Variants in GRID2 observed in about 807,000 individuals in gnomAD.
GRID2 encodes the protein glutamate ionotropic receptor delta type subunit 2.
Under a neutral mutation model 114.8 loss-of-function variants are expected in GRID2, and 33 were observed. The ratio of observed to expected loss-of-function variants is 0.29; its 90% CI spans 0.22 to 0.38. The LOEUF is 0.38. Among genes scored for constraint, GRID2 ranks in the 10% least tolerant of loss-of-function variants. The probability of loss-of-function intolerance (pLI) is 1.00; values close to 1 mark genes in which losing one functional copy is unlikely to be tolerated. For synonymous variants in GRID2, 505 were observed against 449.9 expected, an observed-to-expected ratio of 1.12 and a Z score of -1.55; for missense variants, 1,184 against 1,257.7, an observed-to-expected ratio of 0.94 and a Z score of 0.89.
chr4:93,231,475 C>T (rs577801922), intron 7 of GRID2, among the ~76,000 whole-genome samples: 19 of 148,702 alleles, frequency 1.3e-4, no homozygotes, highest in Non-Finnish European at 2.7e-4. Flanking sequence ...CCAGAAACAA[C>T]AAAAAGACCC....
At chr4:92,875,149 G>GT (rs36120160) in intron 2 of GRID2, among the ~76,000 whole-genome samples, 2,953 of 85,074 alleles carry the variant, frequency 0.035, 157 homozygotes, top group African/African-American at 0.076. Flanking sequence ...AACTCAAAAG[G>GT]TTTTTTTTTT....
intron 1 of GRID2, among the ~76,000 whole-genome samples, chr4:93,804,096 C>T (rs2110369606): frequency 6.6e-6 from 1 of 152,300 alleles, no homozygotes; most frequent in East Asian, 1.9e-4. Context: ...TCAGTGTCAT[C>T]TACCATGATG....
chr4:93,179,345 C>A (rs1046810410), intron 4 of GRID2, among the ~76,000 whole-genome samples: 2 of 152,096 alleles, frequency 1.3e-5, no homozygotes, highest in African/African-American at 2.4e-5. Flanking sequence ...ATAACAATTT[C>A]ATTTGGGGAC....
intron 13 of GRID2, among the ~76,000 whole-genome samples, chr4:93,533,326 C>T (rs1578204117): frequency 7.0e-6 from 1 of 142,800 alleles, no homozygotes; most frequent in Non-Finnish European, 1.5e-5. Context: ...TCTTTCCTTT[C>T]TTCCTTTCTT....
intron 1 of GRID2, among the ~76,000 whole-genome samples, chr4:92,384,615 G>A (rs62311035): frequency 0.027 from 1,358 of 50,568 alleles, 91 homozygotes; most frequent in South Asian, 0.045. Flanking sequence ...TATAATATAT[G>A]TTATATATTA....
chr4:92,618,483 G>A lies in GRID2; in HGVS notation c.244+28197G>A, dbSNP rs1336401484. 2.6e-5 allele frequency among the ~76,000 whole-genome samples: 4 copies of A among 151,614 alleles called. No individual in the cohort carries two copies. The South Asian group carries it at 8.3e-4, about 31-fold the overall frequency. On this transcript the variant is annotated intron_variant, in intron 2 of 15. Transcript: ENST00000282020. ...GTTCATTTTGCTTAAGATTGCTTTG[G>A]CTATATAGATCCTTTTGTGGTTTCA...
intron 14 of GRID2, among the ~76,000 whole-genome samples, chr4:93,692,306 A>G (rs79558690): frequency 0.041 from 6,241 of 152,176 alleles, 197 homozygotes; most frequent in African/African-American, 0.08. Context: ...CCACATGGAT[A>G]TGAAGTAAAA....
chr4:93,317,661 A>C (rs1756803543), intron 8 of GRID2, among the ~76,000 whole-genome samples: 1 of 152,004 alleles, frequency 6.6e-6, no homozygotes, highest in Non-Finnish European at 1.5e-5. Flanking sequence ...ACATCAGTTG[A>C]AGAATATGAA....
intron 1 of GRID2, among the ~76,000 whole-genome samples, chr4:92,395,809 A>G (rs1391382411): frequency 6.6e-6 from 1 of 151,866 alleles, no homozygotes; most frequent in African/African-American, 2.4e-5. Context: ...AAAGATGAGA[A>G]CACTGAAGTT....
intron 13 of GRID2, among the ~76,000 whole-genome samples, chr4:93,570,247 T>C (rs1397613087): frequency 1.3e-5 from 2 of 152,206 alleles, no homozygotes; most frequent in Non-Finnish European, 2.9e-5. Context: ...TCATGTGTTA[T>C]ACTTTTCCCC....
intron 1 of GRID2, among the ~76,000 whole-genome samples, chr4:92,531,539 G>A (rs1460075597): frequency 1.3e-5 from 2 of 152,140 alleles, no homozygotes; most frequent in East Asian, 3.9e-4. Flanking sequence ...CAAAAAAATG[G>A]AGAGTCACTA....
chr4:92,760,962 C>T (rs1294467709), intron 2 of GRID2, among the ~76,000 whole-genome samples: 6 of 152,162 alleles, frequency 3.9e-5, no homozygotes, highest in Admixed American at 6.5e-5. Context: ...TAAGTACTCA[C>T]CCTGCTAGTC....
At chr4:92,492,874 A>T (rs1723207796) in intron 1 of GRID2, among the ~76,000 whole-genome samples, 1 of 152,118 alleles carries the variant, frequency 6.6e-6, no homozygotes, top group Non-Finnish European at 1.5e-5. Context: ...CATGCCTCTA[A>T]TCCCAGCACT....
At position 93,000,376 on chromosome 4, in the gene GRID2, T is replaced by C. The variant is rs540282243; in HGVS notation, c.245-84619T>C. ...ACATGCTGAGAATTATTGAATACCA[T>C]GATTGGAGCTATTAGATGAAGTTTC... On this transcript the variant is annotated intron_variant, in intron 2 of 15. Transcript: ENST00000282020. Among the ~76,000 whole-genome samples the C allele has an allele frequency of 1.6e-4, 24 of 151,762 alleles. 1 individual carries two copies. Among genetic ancestry groups the C allele is most frequent in the African/African-American group, 5.5e-4 (23 of 41,528 alleles).
intron 1 of GRID2, among the ~76,000 whole-genome samples, chr4:92,336,783 T>C (rs1212585569): frequency 6.6e-6 from 1 of 152,052 alleles, no homozygotes; most frequent in South Asian, 2.1e-4. Context: ...GCTTTTTTAG[T>C]TTCTCAAAGG....
At chr4:92,418,118 G>C (rs1161681345) in intron 1 of GRID2, among the ~76,000 whole-genome samples, 1 of 152,130 alleles carries the variant, frequency 6.6e-6, no homozygotes, top group Non-Finnish European at 1.5e-5. Context: ...CTACTATGTT[G>C]TACCATGGAA....
chr4:92,691,655 A>C (rs1734188579), intron 2 of GRID2, among the ~76,000 whole-genome samples: 1 of 152,208 alleles, frequency 6.6e-6, no homozygotes, highest in Non-Finnish European at 1.5e-5. Flanking sequence ...TGGGGCCCAA[A>C]ATCTTACTTT....
In GRID2 at chr4:92,785,743, C is replaced by A. The variant is rs1739291147; in HGVS notation, c.244+195457C>A. ...ATATAATCCTCTTAGTGAATTTTTT[C>A]TGGGAAAACATGCTGTCAAACACAC... On this transcript the variant is annotated intron_variant, in intron 2 of 15. Transcript: ENST00000282020. Among the ~76,000 whole-genome samples, 3 of 151,480 alleles carry A rather than the reference C, an allele frequency of 2.0e-5. No homozygotes were observed. The South Asian group carries it at 6.2e-4, about 31-fold the overall frequency.
intron 2 of GRID2, among the ~76,000 whole-genome samples, chr4:92,947,377 C>T (rs1448127701): frequency 6.6e-6 from 1 of 152,026 alleles, no homozygotes; most frequent in East Asian, 1.9e-4. Flanking sequence ...TAATGCAGTT[C>T]TTCCCTAAGC....
Sources: allele counts gnomAD v4.1 joint callset (sites outside exome capture counted in the v4.1 genomes callset), GRCh38; gene constraint gnomAD v4.1.1; transcripts MANE v1.5; gene names NCBI Gene and HGNC (gene_info 2026-07-23, HGNC 2026-07-21).